The following PRKCE variants were observed in gnomAD, a reference collection of about 807,000 sequenced individuals.
PRKCE encodes protein kinase C epsilon type.
A neutral mutation model predicts 85.4 loss-of-function variants in PRKCE; 16 were observed. The observed-to-expected ratio is 0.19, with a 90% CI of 0.13 to 0.28. The LOEUF is 0.28. PRKCE is among the 10% of genes least tolerant of loss of function. PRKCE has a pLI of 1.00. For synonymous variants in PRKCE, 388 were observed against 371.5 expected, an observed-to-expected ratio of 1.04 and a Z score of -0.51; for missense variants, 573 against 975.2, an observed-to-expected ratio of 0.59 and a Z score of 5.49.
intron 1 of PRKCE, among the ~76,000 whole-genome samples, chr2:45,719,425 G>A (rs1388638584): frequency 6.6e-6 from 1 of 152,230 alleles, no homozygotes; most frequent in Non-Finnish European, 1.5e-5. Flanking sequence ...CCCACGTGCT[G>A]ACATCCTTTG....
At chr2:46,064,280 C>CAAAAAAAAAAA (rs58347072) in intron 10 of PRKCE, among the ~76,000 whole-genome samples, 2 of 90,842 alleles carry the variant, frequency 2.2e-5, no homozygotes, top group Non-Finnish European at 4.6e-5. Flanking sequence ...GACTCTGTCT[C>CAAAAAAAAAAA]AAAAAAAAAA....
In PRKCE at chr2:46,153,140, C is replaced by T. The variant is rs886559057; in HGVS notation, c.1920+1911C>T. 2.0e-5 allele frequency among the ~76,000 whole-genome samples: 3 copies of T among 152,132 alleles called. No individual in the cohort carries two copies. In the East Asian group the frequency reaches 5.8e-4, roughly 29 times the overall value. On this transcript the variant is annotated intron_variant, in intron 13 of 14. Transcript: ENST00000306156. ...TGAATAAGTATTGGTGAGACCTGGT[C>T]TCTGCCTTGTGAAGTTTCCAATCCT... is the stretch of plus-strand genomic sequence containing the variant.
At chr2:45,846,074 C>A (rs1451385403) in intron 2 of PRKCE, among the ~76,000 whole-genome samples, 3 of 152,120 alleles carry the variant, frequency 2.0e-5, no homozygotes, top group African/African-American at 7.2e-5. Context: ...CAGTCTCAGT[C>A]CATGTTTTAC....
chr2:45,903,892 TTTGTTTGTTTGTTTGTTTGTTTG>T (rs1696766860), intron 2 of PRKCE, among the ~76,000 whole-genome samples: 2 of 121,714 alleles, frequency 1.6e-5, no homozygotes, highest in Non-Finnish European at 1.7e-5. Context: ...TTTTTTTTTG[TTTGTTTGTTTGTTTGTTTGTTTG>T]TTTTTTTTGG....
At chr2:45,997,580 T>G (rs1024106861) in intron 6 of PRKCE, among the ~76,000 whole-genome samples, 3 of 152,182 alleles carry the variant, frequency 2.0e-5, no homozygotes, top group Non-Finnish European at 4.4e-5. Context: ...AGAGTCTCAC[T>G]CTGTCACCCA....
intron 10 of PRKCE, among the ~76,000 whole-genome samples, chr2:46,073,157 T>C (rs1322826863): frequency 6.6e-6 from 1 of 152,162 alleles, no homozygotes; most frequent in Non-Finnish European, 1.5e-5. Context: ...TTCACAGCCT[T>C]GCAAAAGTGA....
chr2:45,822,774 T>C (rs1178126981), intron 1 of PRKCE, among the ~76,000 whole-genome samples: 2 of 152,238 alleles, frequency 1.3e-5, no homozygotes, highest in African/African-American at 4.8e-5. Flanking sequence ...CTTTTCTGCC[T>C]TAGTTAGGAG....
At chr2:45,939,261 T>A (rs1223159488) in intron 2 of PRKCE, among the ~76,000 whole-genome samples, 2 of 152,248 alleles carry the variant, frequency 1.3e-5, no homozygotes, top group Non-Finnish European at 1.5e-5. Context: ...CTTAGGCATT[T>A]ATTTTGGTAG....
intron 12 of PRKCE, 82 bp from the exon 13 acceptor site, chr2:46,150,959 C>A: frequency 7.6e-7 from 1 of 1,311,188 alleles, no homozygotes; most frequent in Non-Finnish European, 1.0e-6. Flanking sequence ...GAATTGAAGT[C>A]CTTCCCATGG....
chr2:45,836,574 G>A (rs1367889927), intron 1 of PRKCE, among the ~76,000 whole-genome samples: 1 of 152,200 alleles, frequency 6.6e-6, no homozygotes, highest in East Asian at 1.9e-4. Context: ...CCTCTCCCAT[G>A]CCAGGTGGGT....
intron 10 of PRKCE, among the ~76,000 whole-genome samples, chr2:46,070,529 G>T (rs142221398): frequency 6.6e-5 from 10 of 152,246 alleles, no homozygotes; most frequent in African/African-American, 2.2e-4. Flanking sequence ...TGTAGTCCCA[G>T]CTTTTCAGGA....
At chr2:46,090,235 T>C (rs1670034381) in intron 11 of PRKCE, among the ~76,000 whole-genome samples, 1 of 152,156 alleles carries the variant, frequency 6.6e-6, no homozygotes, top group Admixed American at 6.5e-5. Flanking sequence ...CAGGAATTTG[T>C]ATTTTAAAAA....
intron 6 of PRKCE, among the ~76,000 whole-genome samples, chr2:45,997,755 C>T (rs1278376014): frequency 6.6e-6 from 1 of 152,196 alleles, no homozygotes; most frequent in Non-Finnish European, 1.5e-5. Context: ...CCATGTTGGC[C>T]AGGCTGGTCT....
chr2:46,102,576 T>C (rs1286446608), intron 11 of PRKCE, among the ~76,000 whole-genome samples: 1 of 152,230 alleles, frequency 6.6e-6, no homozygotes, highest in African/African-American at 2.4e-5. Flanking sequence ...TTCTTGTCGT[T>C]GTTCCAGGAT....
intron 6 of PRKCE, among the ~76,000 whole-genome samples, chr2:45,989,560 C>A (rs13406702): frequency 6.6e-6 from 1 of 151,748 alleles, no homozygotes; most frequent in Non-Finnish European, 1.5e-5. Flanking sequence ...ATGGAGTGAT[C>A]TTAGCCACAT....
intron 1 of PRKCE, chr2:45,674,845 G>C (rs1676346616): frequency 6.6e-6 from 1 of 152,230 alleles, no homozygotes. Context: ...GAGTTTATGA[G>C]AATTCTCGGC....
At chr2:45,984,319 G>A (rs146184007) in intron 5 of PRKCE, among the ~76,000 whole-genome samples, 1 of 152,272 alleles carries the variant, frequency 6.6e-6, no homozygotes, top group East Asian at 1.9e-4. Flanking sequence ...GAGTAGGCCT[G>A]GCCTTGCACA....
chr2:45,823,287 A>G (rs543187918), intron 1 of PRKCE, among the ~76,000 whole-genome samples: 2 of 152,350 alleles, frequency 1.3e-5, no homozygotes. Context: ...TGGATCTATG[A>G]GAGTTATCAG....
rs553553093 is a variant in PRKCE at position 46,185,001 on chromosome 2, C to A, written c.*120C>A. The A allele has an allele frequency of 5.9e-6, 8 of 1,355,108 alleles. No individual in the cohort carries two copies. The East Asian group carries it at 1.6e-4, about 27-fold the overall frequency. 83.9% of individuals were successfully genotyped at this position (1,355,108 alleles called of 1,614,324 possible). On this transcript the variant is annotated 3_prime_UTR_variant, in exon 15 of 15. Transcript: ENST00000306156. This position sits in a 1 kb window ranked among gnomAD's most constrained non-coding sequence, Gnocchi z 4.7. Reference sequence around the variant, plus strand: ...CCTCCTCGGAGCCCCAGTCCCATGTCCACTGTCTATTTATTGCATTCCCTT... The same window carrying A: ...CCTCCTCGGAGCCCCAGTCCCATGTACACTGTCTATTTATTGCATTCCCTT...
Sources: gnomAD v4.1 joint callset for allele counts (sites outside exome capture counted in the v4.1 genomes callset) on GRCh38, gnomAD v4.1.1 for gene constraint, Gnocchi (gnomAD v3.1) non-coding constraint, MANE v1.5 for transcripts, NCBI Gene and HGNC (gene_info 2026-07-23, HGNC 2026-07-21) for gene names.